FAM135A: variants seen among roughly 807,000 people sequenced by gnomAD.
FAM135A encodes protein FAM135A.
FAM135A carries 79 observed loss-of-function variants against 146.8 expected under a neutral mutation model. That is an observed-to-expected ratio of 0.54 (90% CI 0.45 to 0.65). The LOEUF (loss-of-function observed/expected upper bound fraction) is 0.65, where lower values mean the gene tolerates loss of function less well. Ranked by LOEUF, FAM135A falls within the 30% of genes least tolerant of loss-of-function variation. The pLI is 0.00. For synonymous variants in FAM135A, 562 were observed against 603.6 expected (o/e 0.93, Z 1.01); for missense variants, 1,623 against 1,758.2 (o/e 0.92, Z 1.38).
chr6:70,556,685 A>G (rs1244823874), intron 20 of FAM135A, 65 bp from the exon 21 acceptor site: 2 of 1,071,546 alleles, frequency 1.9e-6, no homozygotes, highest in African/African-American at 3.6e-5. Context: ...ACTTAATATG[A>G]TACTAATAAC....
intron 4 of FAM135A, among the ~76,000 whole-genome samples, chr6:70,449,705 A>G (rs909446188): frequency 1.3e-4 from 20 of 152,200 alleles, no homozygotes; most frequent in Non-Finnish European, 4.4e-5. Context: ...GCTATTGTCA[A>G]TAATGCTGCA....
chr6:70,494,565 C>A (rs1786782137), intron 11 of FAM135A, among the ~76,000 whole-genome samples: 1 of 151,844 alleles, frequency 6.6e-6, no homozygotes, highest in Admixed American at 6.6e-5. Flanking sequence ...TATAAGAGAT[C>A]TTGCCAAACT....
chr6:70,519,228 A>G (rs1163932797), intron 12 of FAM135A, among the ~76,000 whole-genome samples: 1 of 152,214 alleles, frequency 6.6e-6, no homozygotes, highest in Non-Finnish European at 1.5e-5. Flanking sequence ...GAGAACTAGA[A>G]TTAGAAGTGG....
At chr6:70,465,378 A>G (rs765583756) in intron 5 of FAM135A, among the ~76,000 whole-genome samples, 2 of 152,170 alleles carry the variant, frequency 1.3e-5, no homozygotes, top group African/African-American at 2.4e-5. Flanking sequence ...TCTTCTGGAT[A>G]AATACCTAGA....
chr6:70,525,892 T>C lies in FAM135A; in HGVS notation c.2808T>C (p.Ser936=), dbSNP rs368519748. ...SDEETSSDVK[S]SCSSKPNLDT... ...AAGAGACTTCCAGTGATGTGAAAAGTAGTTGCAGCTCCAAACCTAACTTGG... is the reference window on the plus strand; with the variant it reads ...AAGAGACTTCCAGTGATGTGAAAAGCAGTTGCAGCTCCAAACCTAACTTGG... Residue 936 remains serine, a synonymous_variant, in exon 15 of 22, where the codon AGT becomes AGC. Transcript: ENST00000418814. 22 of 1,612,840 alleles carry C rather than the reference T, an allele frequency of 1.4e-5. No individual in the cohort carries two copies. The Admixed American group carries it at 2.3e-4, about 17-fold the overall frequency.
intron 16 of FAM135A, among the ~76,000 whole-genome samples, chr6:70,531,779 T>A (rs1795836444): frequency 1.3e-5 from 2 of 152,120 alleles, no homozygotes; most frequent in African/African-American, 2.4e-5. Context: ...TTGTAAAGCC[T>A]CCGTTATTTC....
intron 12 of FAM135A, 71 bp from the exon 13 acceptor site, chr6:70,522,442 C>A: frequency 7.3e-7 from 1 of 1,372,038 alleles, no homozygotes; most frequent in Non-Finnish European, 1.0e-6. Context: ...AGTTTCTCTC[C>A]TTACCATAAG....
chr6:70,475,540 T>A lies in FAM135A; in HGVS notation c.288T>A (p.Asp96Glu), dbSNP rs769480483. 5.4e-5 allele frequency: 86 copies of A among 1,592,484 alleles called. No individual in the cohort carries two copies. The Middle Eastern group carries it at 1.2e-3, about 22-fold the overall frequency. Residue 96 changes from aspartate to glutamate, a missense_variant, in exon 6 of 22, where the codon GAT (aspartate) becomes GAA (glutamate). Physicochemically the swap from Asp to Glu is conservative, Grantham distance 45. Transcript: ENST00000418814. ...TCTTCAAAGTAAAAATGCTATTGGATGAAAGAAAGGTAAACATCTCTTCAT... is the reference window on the plus strand; with the variant it reads ...TCTTCAAAGTAAAAATGCTATTGGAAGAAAGAAAGGTAAACATCTCTTCAT... The part of the protein sequence containing the change: ...VMIFKVKMLL[D>E]ERKIEETLEE...
At chr6:70,515,679 G>T (rs913614615) in intron 12 of FAM135A, among the ~76,000 whole-genome samples, 1 of 151,952 alleles carries the variant, frequency 6.6e-6, no homozygotes, top group Non-Finnish European at 1.5e-5. Flanking sequence ...ATACTGTAAT[G>T]GTATATATAT....
chr6:70,482,168 A>T lies in FAM135A; in HGVS notation c.823+14A>T. The T allele has an allele frequency of 6.2e-7, 1 of 1,612,170 alleles. No homozygotes were observed. Among genetic ancestry groups the T allele is most frequent in the Non-Finnish European group, 8.5e-7 (1 of 1,179,300 alleles). ...AACTAGAACTGGGTATGTTAAAAGT[A>T]GCGAGACTTATTCTACAGTTCAAAT... On this transcript the variant is annotated intron_variant, in intron 10 of 21. Transcript: ENST00000418814.
rs762570428 is a variant in FAM135A, at chr6:70,475,546, A to G, written c.294A>G (p.Arg98=). Residue 98 remains arginine (R), a synonymous_variant, in exon 6 of 22, where the codon AGA becomes AGG. Transcript: ENST00000418814. ...AAGTAAAAATGCTATTGGATGAAAG[A>G]AAGGTAAACATCTCTTCATATTTAT... ...IFKVKMLLDE[R]KIEETLEEMN... The G allele has an allele frequency of 1.9e-6, 3 of 1,588,190 alleles. No individual in the cohort carries two copies. In the East Asian group the frequency reaches 6.7e-5, roughly 36 times the overall value.
At chr6:70,494,033 G>A (rs12525869) in intron 11 of FAM135A, among the ~76,000 whole-genome samples, 31,266 of 133,522 alleles carry the variant, frequency 0.23, 4,340 homozygotes, top group East Asian at 0.5. Context: ...CAGCCTGGGC[G>A]ACAGAGTGAG....
rs1327608804 is a variant in FAM135A, at chr6:70,415,284, A to T, written c.-219-7A>T. On this transcript the variant is annotated splice_region_variant and splice_polypyrimidine_tract_variant and intron_variant, in intron 1 of 21. Transcript: ENST00000418814. ...ATTATGTTTAGTGAAGTTTGTCTTT[A>T]TTGTAGGGTTGAAGATCAACTGGAT... The T allele has an allele frequency of 6.6e-6, 1 of 152,158 alleles. No homozygotes were observed. Among genetic ancestry groups the T allele is most frequent in the African/African-American group, 2.4e-5 (1 of 41,432 alleles). 9.4% of individuals were successfully genotyped at this position (152,158 alleles called of 1,614,324 possible). A position where few individuals can be genotyped will look rare whatever the true frequency, so the allele number is the denominator to read the frequency against.
chr6:70,522,458 G>A lies in FAM135A; in HGVS notation c.1030-55G>A, dbSNP rs567353024. The A allele has an allele frequency of 2.8e-5, 42 of 1,503,178 alleles. No individual in the cohort carries two copies. In the East Asian group the frequency reaches 2.9e-4, roughly 11 times the overall value. The allele number at this position is 1,503,178 out of a possible 1,614,324, so 93.1% of individuals were successfully genotyped here. ...GTTTCTCTCCTTACCATAAGATGCC[G>A]GATTGACTTTTTAAATACGTCATGT... On this transcript the variant is annotated intron_variant, in intron 12 of 21. Coordinates refer to ENST00000418814, the MANE Select transcript of FAM135A (RefSeq NM_001162529.3).
Position 70,525,711 on chromosome 6 carries a change from C to A in FAM135A, c.2627C>A (p.Thr876Lys), listed in dbSNP as rs61742959. 1.2e-6 allele frequency: 2 copies of A among 1,612,594 alleles called. No homozygotes were observed. The highest frequency in any genetic ancestry group is 3.3e-5 in the Admixed American group (2 of 59,884). ...AGCAAAACTGTATTAAATCTAGGAA[C>A]GACTGATTTGCCAAAATGTGATGAT... ...NDSKTVLNLGTTDLPKCDDTK... is the reference protein window; with the variant it reads ...NDSKTVLNLGKTDLPKCDDTK... The change falls in exon 15 of 22, where the codon ACG (threonine) becomes AAG (lysine). Residue 876 changes from threonine to lysine, a missense_variant. Transcript: ENST00000418814.
intron 4 of FAM135A, among the ~76,000 whole-genome samples, chr6:70,449,920 A>G (rs541511161): frequency 1.1e-4 from 16 of 152,206 alleles, no homozygotes; most frequent in Middle Eastern, 3.4e-3. Context: ...CCTCACCGAC[A>G]CTATCTTTTC....
intron 12 of FAM135A, among the ~76,000 whole-genome samples, chr6:70,519,763 ATAACT>A (rs1793127285): frequency 6.6e-6 from 1 of 152,358 alleles, no homozygotes; most frequent in East Asian, 1.9e-4. Context: ...TAGTGTAAAC[ATAACT>A]TTTATACACA....
intron 12 of FAM135A, chr6:70,513,212 A>ACTT (rs1287023249): frequency 6.6e-6 from 1 of 151,786 alleles, no homozygotes; most frequent in Non-Finnish European, 1.5e-5. Flanking sequence ...AGGTAATAGC[A>ACTT]TAAGTCCTCC....
chr6:70,477,376 C>A, intron 8 of FAM135A, 44 bp downstream of exon 8: 1 of 1,576,670 alleles, frequency 6.3e-7, no homozygotes, highest in Non-Finnish European at 8.7e-7. Flanking sequence ...TCTTACACTG[C>A]AATAAAGAAA....
Sources: gnomAD v4.1 joint callset for allele counts (sites outside exome capture counted in the v4.1 genomes callset) on GRCh38, gnomAD v4.1.1 for gene constraint, MANE v1.5 for transcripts, NCBI Gene and HGNC (gene_info 2026-07-23, HGNC 2026-07-21) for gene names.